The following EPB41L2 variants were observed in gnomAD, a reference collection of about 807,000 sequenced individuals.
The protein encoded by EPB41L2 is erythrocyte membrane protein band 4.1 like 2, also known as band 4.1-like protein 2.
In EPB41L2, 43 loss-of-function variants were observed where a neutral mutation model predicts 113.0. That is an observed-to-expected ratio of 0.38 (90% CI 0.30 to 0.49). The LOEUF (loss-of-function observed/expected upper bound fraction) is 0.49. Ranked by LOEUF, EPB41L2 falls within the 20% of genes least tolerant of loss-of-function variation. The pLI, the probability that EPB41L2 is intolerant of heterozygous loss-of-function variation, is 0.95. For missense variants in EPB41L2, 1,147 were observed against 1,223.4 expected (o/e 0.94, Z 0.93); for synonymous variants, 442 against 436.7 (o/e 1.01, Z -0.15).
At chr6:130,940,501 T>C (rs1810446022) in intron 3 of EPB41L2, among the ~76,000 whole-genome samples, 2 of 151,556 alleles carry the variant, frequency 1.3e-5, no homozygotes, top group Admixed American at 1.3e-4. Context: ...AGTCTCACTC[T>C]GTCGCCCAGG....
intron 1 of EPB41L2, among the ~76,000 whole-genome samples, chr6:131,054,451 C>A (rs576667090): frequency 6.6e-6 from 1 of 152,192 alleles, no homozygotes; most frequent in Non-Finnish European, 1.5e-5. Context: ...TCTGTCTCTA[C>A]GGTCCCTGTT....
intron 1 of EPB41L2, among the ~76,000 whole-genome samples, chr6:131,037,907 T>G (rs977459759): frequency 3.0e-4 from 46 of 152,068 alleles, no homozygotes; most frequent in Non-Finnish European, 7.4e-5. Context: ...CTAAAACATT[T>G]AAGGATTATA....
At chr6:130,868,292 C>G (rs1444992649) in intron 15 of EPB41L2, 1 of 152,278 alleles carries the variant, frequency 6.6e-6, no homozygotes, top group East Asian at 1.9e-4. Flanking sequence ...TTCTGTATTA[C>G]CTAAGTTAAA....
chr6:131,061,516 T>C (rs1210383058), intron 1 of EPB41L2, among the ~76,000 whole-genome samples: 1 of 152,160 alleles, frequency 6.6e-6, no homozygotes, highest in Non-Finnish European at 1.5e-5. Flanking sequence ...CTTATCACAA[T>C]TCAAGATTGC....
At chr6:130,882,909 GAGA>G (rs1339852746) in intron 12 of EPB41L2, 1 of 152,708 alleles carries the variant, frequency 6.5e-6, no homozygotes, top group African/African-American at 2.4e-5. Context: ...CCATGGATGG[GAGA>G]AGGACAGTCA....
intron 1 of EPB41L2, among the ~76,000 whole-genome samples, chr6:131,022,272 A>AC (rs1233443594): frequency 6.6e-6 from 1 of 151,980 alleles, no homozygotes; most frequent in Non-Finnish European, 1.5e-5. Flanking sequence ...ATGGCCACCT[A>AC]CCCCTTACCT....
At chr6:130,929,897 ATACACG>A (rs1375522556) in intron 3 of EPB41L2, among the ~76,000 whole-genome samples, 1 of 110,252 alleles carries the variant, frequency 9.1e-6, no homozygotes, top group Admixed American at 9.4e-5. Context: ...ACACACACAC[ATACACG>A]CACAGTCATA....
intron 3 of EPB41L2, among the ~76,000 whole-genome samples, chr6:130,954,209 C>T (rs1255143926): frequency 4.0e-5 from 6 of 151,836 alleles, no homozygotes; most frequent in Non-Finnish European, 5.9e-5. Flanking sequence ...CCCGCCACTA[C>T]GCCTGGCTAA....
chr6:130,956,610 G>T, intron 1 of EPB41L2, 111 bp from the exon 2 acceptor site: 1 of 943,310 alleles, frequency 1.1e-6, no homozygotes, highest in South Asian at 1.8e-5. Flanking sequence ...CAGATGACAG[G>T]GAGAAAGCAC....
At chr6:131,037,579 C>T (rs897710496) in intron 1 of EPB41L2, among the ~76,000 whole-genome samples, 3 of 139,672 alleles carry the variant, frequency 2.1e-5, no homozygotes, top group African/African-American at 8.0e-5. Flanking sequence ...ACTTTGAAAA[C>T]CTAAAATTTT....
intron 19 of EPB41L2, among the ~76,000 whole-genome samples, chr6:130,845,743 GA>G (rs1343928738): frequency 4.6e-5 from 7 of 152,098 alleles, no homozygotes; most frequent in African/African-American, 1.4e-4. Context: ...TTCACTTAAG[GA>G]AGTCCTTGAG....
At chr6:131,062,946 G>T (rs755583323) in intron 1 of EPB41L2, among the ~76,000 whole-genome samples, 4 of 152,094 alleles carry the variant, frequency 2.6e-5, no homozygotes, top group Non-Finnish European at 5.9e-5. Flanking sequence ...GACCGGGAAG[G>T]AAAGGAGAGA....
At chr6:130,902,197 C>T (rs1478355068) in intron 6 of EPB41L2, among the ~76,000 whole-genome samples, 4 of 152,208 alleles carry the variant, frequency 2.6e-5, no homozygotes, top group Non-Finnish European at 5.9e-5. Flanking sequence ...TGGCAGCTGG[C>T]CATCTTAGTC....
chr6:130,949,424 G>C (rs949030969), intron 3 of EPB41L2, among the ~76,000 whole-genome samples: 54 of 152,286 alleles, frequency 3.5e-4, no homozygotes, highest in African/African-American at 1.3e-3. Context: ...AACAAAGCAA[G>C]ACTTCATCTC....
Position 130,956,259 on chromosome 6 carries a change from C to T in EPB41L2, c.227G>A (p.Arg76Gln), listed in dbSNP as rs774621932. The change falls in exon 2 of 20, where the codon CGG becomes CAG. Residue 76 changes from arginine (R) to glutamine (Q), a missense_variant. Arg to Gln is a conservative substitution (Grantham distance 43). Transcript: ENST00000337057. ...KETSESRGIS[R>Q]FIPPWLKKQK... Reference sequence around the variant, plus strand: ...CTTCTTAAGCCATGGCGGTATGAACCGAGAAATACCCCTGCTCTCCGATGT... The same window carrying T: ...CTTCTTAAGCCATGGCGGTATGAACTGAGAAATACCCCTGCTCTCCGATGT... 6.2e-7 allele frequency: 1 copy of T among 1,614,104 alleles called. No individual in the cohort carries two copies. Among genetic ancestry groups the T allele is most frequent in the East Asian group, 2.2e-5 (1 of 44,876 alleles).
intron 1 of EPB41L2, among the ~76,000 whole-genome samples, chr6:130,982,934 T>C (rs1315541730): frequency 6.6e-6 from 1 of 152,204 alleles, no homozygotes; most frequent in Admixed American, 6.5e-5. Context: ...AAACCTGAAT[T>C]TGGATTCTGG....
At chr6:130,996,350 C>T (rs1783098771) in intron 1 of EPB41L2, among the ~76,000 whole-genome samples, 1 of 151,674 alleles carries the variant, frequency 6.6e-6, no homozygotes, top group African/African-American at 2.4e-5. Flanking sequence ...GGAGTCAGGC[C>T]AGCACAGATC....
chr6:130,841,550 G>A (rs1775514717), intron 19 of EPB41L2, among the ~76,000 whole-genome samples: 1 of 152,226 alleles, frequency 6.6e-6, no homozygotes, highest in African/African-American at 2.4e-5. Flanking sequence ...CCAGCTGGAT[G>A]AGGAAGATGA....
intron 3 of EPB41L2, among the ~76,000 whole-genome samples, chr6:130,949,500 G>C (rs1814075443): frequency 5.9e-5 from 9 of 151,998 alleles, no homozygotes; most frequent in Admixed American, 4.6e-4. Flanking sequence ...ATATTCTGGA[G>C]GCTGAGGCAA....
Sources: allele counts gnomAD v4.1 joint callset (sites outside exome capture counted in the v4.1 genomes callset), GRCh38; gene constraint gnomAD v4.1.1; transcripts MANE v1.5; gene names NCBI Gene and HGNC (gene_info 2026-07-23, HGNC 2026-07-21).